FAM170A: variants seen among roughly 807,000 people sequenced by gnomAD.
FAM170A encodes the protein family with sequence similarity 170 member A, also known as protein FAM170A.
Under a neutral mutation model 36.6 loss-of-function variants are expected in FAM170A, and 28 were observed. The observed-to-expected ratio is 0.76, with a 90% CI of 0.57 to 1.05. The LOEUF (loss-of-function observed/expected upper bound fraction) is 1.05, where lower values mean the gene tolerates loss of function less well. Ranked by LOEUF, FAM170A falls within the 50% of genes least tolerant of loss-of-function variation. The pLI, the probability that FAM170A is intolerant of heterozygous loss-of-function variation, is 0.00. For missense variants in FAM170A, 434 were observed against 396.5 expected (o/e 1.09, Z -0.80); for synonymous variants, 156 against 143.9 (o/e 1.08, Z -0.60).
chr5:119,630,395 T>A (rs1756223784), intron 1 of FAM170A, among the ~76,000 whole-genome samples: 1 of 150,384 alleles, frequency 6.6e-6, no homozygotes, highest in Non-Finnish European at 1.5e-5. Context: ...ATGGTTTCGA[T>A]CTCCTGACCT....
chr5:119,632,885 A>C (rs952202067), exon 2 of FAM170A: 3 of 1,604,242 alleles, frequency 1.9e-6, no homozygotes, highest in African/African-American at 1.3e-5. Flanking sequence ...GCTCATCCAC[A>C]GTGGTAAGGG....
In FAM170A at chr5:119,634,901, C is replaced by T. The variant is rs2126974986; in HGVS notation, c.987-130C>T. On this transcript the variant is annotated intron_variant, in intron 3 of 4. Transcript: ENST00000613773. ...CTGGGATCCCTGCTTCTTGCCTAGG[C>T]ATCTAATAAAGTCTCGATTGTAAGT... The T allele has an allele frequency of 4.6e-6, 6 of 1,304,512 alleles. No homozygotes were observed. The East Asian group carries it at 1.4e-4, about 31-fold the overall frequency. 80.8% of individuals were successfully genotyped at this position (1,304,512 alleles called of 1,614,324 possible).
At chr5:119,630,321 ATTTTTTTTTTTT>A (rs10603530) in intron 1 of FAM170A, among the ~76,000 whole-genome samples, 13 of 118,392 alleles carry the variant, frequency 1.1e-4, no homozygotes, top group African/African-American at 4.9e-4. Context: ...CGCCTGGCTA[ATTTTTTTTTTTT>A]TTTTTTTTTT....
chr5:119,629,993 G>A (rs962578541), intron 1 of FAM170A, among the ~76,000 whole-genome samples, 155 bp downstream of exon 1: 1 of 151,928 alleles, frequency 6.6e-6, no homozygotes, highest in African/African-American at 2.4e-5. Context: ...TCGGGTTCAC[G>A]CCATTCTCCT....
In FAM170A at chr5:119,634,212, A is replaced by G. The variant is rs150699833; in HGVS notation, c.464A>G (p.Gln155Arg). 8.7e-5 allele frequency: 141 copies of G among 1,614,256 alleles called. No homozygotes were observed. In the East Asian group the frequency reaches 2.8e-3, roughly 32 times the overall value. Reference sequence around the variant, plus strand: ...GAAACTTTGGAGTCCTTAGAAAAGCAGCCAAGGATGGAAGAAGTGACCCTT... The same window carrying G: ...GAAACTTTGGAGTCCTTAGAAAAGCGGCCAAGGATGGAAGAAGTGACCCTT... Residue 155 changes from glutamine to arginine, a missense_variant, in exon 3 of 5, where the codon CAG becomes CGG. Gln to Arg is a conservative substitution (Grantham distance 43). Transcript: ENST00000613773.
At chr5:119,635,174 C>A in intron 4 of FAM170A, 88 bp downstream of exon 4, 1 of 884,612 alleles carries the variant, frequency 1.1e-6, no homozygotes, top group Non-Finnish European at 1.8e-6. Context: ...TGCACTGGGT[C>A]ACCTGGTGGC....
At chr5:119,630,757 T>C (rs1293426592) in intron 1 of FAM170A, among the ~76,000 whole-genome samples, 1 of 152,204 alleles carries the variant, frequency 6.6e-6, no homozygotes, top group African/African-American at 2.4e-5. Flanking sequence ...CTTTCTCTCG[T>C]ATTCTCTTTA....
exon 1 of FAM170A, chr5:119,629,706 A>T (rs2126969867): frequency 7.7e-7 from 1 of 1,294,488 alleles, no homozygotes; most frequent in East Asian, 2.4e-5. Context: ...AGAAGGGCCA[A>T]TCTACAGGAA....
intron 1 of FAM170A, among the ~76,000 whole-genome samples, chr5:119,631,909 A>G (rs879229316): frequency 3.3e-5 from 5 of 152,172 alleles, no homozygotes; most frequent in Admixed American, 3.3e-4. Context: ...CCATCCCCTT[A>G]TTAGGGTTGC....
At chr5:119,633,234 C>T (rs1580765274) in intron 2 of FAM170A, among the ~76,000 whole-genome samples, 1 of 152,026 alleles carries the variant, frequency 6.6e-6, no homozygotes, top group African/African-American at 2.4e-5. Flanking sequence ...CCCATAGATC[C>T]AAGGATGAGG....
chr5:119,630,585 A>G (rs1240679641), intron 1 of FAM170A, among the ~76,000 whole-genome samples: 2 of 152,134 alleles, frequency 1.3e-5, no homozygotes, highest in African/African-American at 4.8e-5. Context: ...GGGTACCCAG[A>G]TGTGAGACGG....
At chr5:119,630,014 C>T (rs955505843) in intron 1 of FAM170A, among the ~76,000 whole-genome samples, 176 bp downstream of exon 1, 2 of 151,982 alleles carry the variant, frequency 1.3e-5, no homozygotes, top group Non-Finnish European at 2.9e-5. Flanking sequence ...GCCTCAGCCT[C>T]CCGAGTAGCT....
chr5:119,634,826 G>A (rs1266990112), intron 3 of FAM170A, 92 bp downstream of exon 3: 3 of 1,368,928 alleles, frequency 2.2e-6, no homozygotes, highest in East Asian at 4.6e-5. Flanking sequence ...GTCTCTGTAA[G>A]GAAGATTTGG....
At chr5:119,630,393 G>C (rs1286841334) in intron 1 of FAM170A, among the ~76,000 whole-genome samples, 3 of 147,694 alleles carry the variant, frequency 2.0e-5, no homozygotes, top group East Asian at 2.0e-4. Context: ...GGATGGTTTC[G>C]ATCTCCTGAC....
Position 119,635,019 on chromosome 5 carries a change from T to G in FAM170A, c.987-12T>G. 1 of 1,614,166 alleles carries G rather than the reference T, an allele frequency of 6.2e-7. No homozygotes were observed. The highest frequency in any genetic ancestry group is 8.5e-7 in the Non-Finnish European group (1 of 1,180,000). On this transcript the variant is annotated splice_polypyrimidine_tract_variant and intron_variant, in intron 3 of 4. Transcript: ENST00000613773. ...AGAAGTGTCTTTCTTTGGTTTGATT[T>G]TCACACAGCAGCTGAGACTTATGGG...
intron 1 of FAM170A, among the ~76,000 whole-genome samples, chr5:119,631,413 A>ATG (rs755392080): frequency 7.2e-5 from 11 of 151,774 alleles, no homozygotes; most frequent in Admixed American, 5.3e-4. Flanking sequence ...GTGTGTGCAC[A>ATG]TGTGTGTGTG....
At chr5:119,634,391 G>C (rs1756330733) in exon 3 of FAM170A, 2 of 1,614,154 alleles carry the variant, frequency 1.2e-6, no homozygotes, top group Non-Finnish European at 1.7e-6. Flanking sequence ...CACACCCAGA[G>C]CCAAGACTCC....
chr5:119,635,406 A>T (rs1413144872), intron 4 of FAM170A, among the ~76,000 whole-genome samples: 1 of 152,200 alleles, frequency 6.6e-6, no homozygotes, highest in Non-Finnish European at 1.5e-5. Context: ...CAGCAAGATC[A>T]GAGGTGTGGA....
At chr5:119,634,405 C>T (rs1756331412) in exon 3 of FAM170A, 1 of 1,614,044 alleles carries the variant, frequency 6.2e-7, no homozygotes. Flanking sequence ...AGACTCCTGA[C>T]TGGCTGGTGA....
Sources: gnomAD v4.1 joint callset for allele counts (sites outside exome capture counted in the v4.1 genomes callset) on GRCh38, gnomAD v4.1.1 for gene constraint, MANE v1.5 for transcripts, NCBI Gene and HGNC (gene_info 2026-07-23, HGNC 2026-07-21) for gene names.